ADAMTS6: variants seen among roughly 807,000 people sequenced by gnomAD.
ADAMTS6 encodes A disintegrin and metalloproteinase with thrombospondin motifs 6.
A neutral mutation model predicts 144.3 loss-of-function variants in ADAMTS6; 23 were observed. That is an observed-to-expected ratio of 0.16 (90% confidence interval 0.11 to 0.23). The LOEUF is 0.23. ADAMTS6 is among the 10% of genes least tolerant of loss of function. ADAMTS6 has a pLI of 1.00. For missense variants in ADAMTS6, 999 were observed against 1,379.6 expected, an observed-to-expected ratio of 0.72 and a Z score of 4.37; for synonymous variants, 444 against 457.5, an observed-to-expected ratio of 0.97 and a Z score of 0.38.
intron 20 of ADAMTS6, among the ~76,000 whole-genome samples, chr5:65,206,810 C>T (rs1278584252): frequency 6.8e-6 from 1 of 146,040 alleles, no homozygotes; most frequent in Non-Finnish European, 1.5e-5. Context: ...TGTTTATATG[C>T]TGTTTTTTTT....
At chr5:65,200,739 C>T (rs1429441148) in intron 20 of ADAMTS6, among the ~76,000 whole-genome samples, 4 of 151,818 alleles carry the variant, frequency 2.6e-5, no homozygotes, top group African/African-American at 4.8e-5. Flanking sequence ...TTAATGCAAT[C>T]CTTCCTCCAT....
At chr5:65,479,565 C>T (rs1022387979) in intron 1 of ADAMTS6, among the ~76,000 whole-genome samples, 2 of 152,194 alleles carry the variant, frequency 1.3e-5, no homozygotes, top group East Asian at 3.8e-4. Flanking sequence ...ACCTCTTCCC[C>T]TCTTTTTCTC....
At chr5:65,379,097 T>C (rs1751812228) in intron 7 of ADAMTS6, among the ~76,000 whole-genome samples, 2 of 152,218 alleles carry the variant, frequency 1.3e-5, no homozygotes, top group South Asian at 4.1e-4. Context: ...AAGCCAGTCA[T>C]CAAACAACCA....
At chr5:65,325,508 T>A (rs1157934941) in intron 9 of ADAMTS6, among the ~76,000 whole-genome samples, 23 of 146,466 alleles carry the variant, frequency 1.6e-4, no homozygotes, top group Non-Finnish European at 2.4e-4. Context: ...TTTTTTTTTT[T>A]AGACAGGGTC....
At chr5:65,259,895 C>G (rs1761030657) in intron 14 of ADAMTS6, among the ~76,000 whole-genome samples, 1 of 152,004 alleles carries the variant, frequency 6.6e-6, no homozygotes, top group South Asian at 2.1e-4. Context: ...TAATTAAAAG[C>G]TGTGGTTTTT....
At chr5:65,191,783 T>A (rs1382779261) in intron 21 of ADAMTS6, among the ~76,000 whole-genome samples, 1 of 152,072 alleles carries the variant, frequency 6.6e-6, no homozygotes, top group Admixed American at 6.5e-5. Context: ...CATTATACAG[T>A]CAAGGTTTTT....
chr5:65,363,653 G>A (rs1750034725), intron 7 of ADAMTS6, among the ~76,000 whole-genome samples: 1 of 152,038 alleles, frequency 6.6e-6, no homozygotes, highest in Admixed American at 6.6e-5. Flanking sequence ...CTCTAAAATG[G>A]GGTTATGCAT....
chr5:65,153,794 CTGAGT>C (rs1561226884), intron 24 of ADAMTS6, among the ~76,000 whole-genome samples: 1 of 152,174 alleles, frequency 6.6e-6, no homozygotes, highest in East Asian at 1.9e-4. Flanking sequence ...CAAGAAAACT[CTGAGT>C]TGAGCAAATT....
intron 22 of ADAMTS6, among the ~76,000 whole-genome samples, chr5:65,174,379 G>C (rs1274313694): frequency 1.3e-5 from 2 of 152,176 alleles, no homozygotes; most frequent in African/African-American, 4.8e-5. Flanking sequence ...CTGCCCTGTG[G>C]AGCATCCCTA....
intron 7 of ADAMTS6, among the ~76,000 whole-genome samples, chr5:65,340,532 A>C (rs1425704590): frequency 1.3e-5 from 2 of 152,248 alleles, no homozygotes; most frequent in East Asian, 3.9e-4. Context: ...GTAAACAATA[A>C]GAGAGGAAGG....
intron 7 of ADAMTS6, among the ~76,000 whole-genome samples, chr5:65,340,572 A>G (rs1301430826): frequency 6.6e-6 from 1 of 152,102 alleles, no homozygotes; most frequent in Admixed American, 6.5e-5. Context: ...AAATAACTGG[A>G]AAATGATCGA....
At position 65,150,751 on chromosome 5, in the gene ADAMTS6, C is replaced by T. The variant is rs1054732001; in HGVS notation, c.*1085G>A. The stretch of plus-strand genomic sequence containing the variant: ...ATAAATAAATGCCCTTCTACCATAT[C>T]AAAGAAGGGACATCTGGAACTCATC... On this transcript the variant is annotated 3_prime_UTR_variant, in exon 25 of 25. Transcript: ENST00000381055. The T allele has an allele frequency of 6.5e-5, 10 of 152,764 alleles. No individual in the cohort carries two copies. Among genetic ancestry groups the T allele is most frequent in the African/African-American group, 1.7e-4 (7 of 41,568 alleles). 9.5% of individuals were successfully genotyped at this position (152,764 alleles called of 1,614,324 possible). A position where few individuals can be genotyped will look rare whatever the true frequency, so the allele number is the denominator to read the frequency against.
At chr5:65,154,605 T>C (rs993993497) in intron 24 of ADAMTS6, among the ~76,000 whole-genome samples, 1 of 152,184 alleles carries the variant, frequency 6.6e-6, no homozygotes, top group African/African-American at 2.4e-5. Flanking sequence ...TAGGAGTTGA[T>C]TGTCCTCTGC....
intron 4 of ADAMTS6, among the ~76,000 whole-genome samples, chr5:65,457,745 CTTTTTT>C (rs1180960588): frequency 1.0e-5 from 1 of 97,438 alleles, no homozygotes; most frequent in Non-Finnish European, 2.1e-5. Context: ...TTCTTTCTTT[CTTTTTT>C]TTTTTTTTTT....
intron 3 of ADAMTS6, among the ~76,000 whole-genome samples, chr5:65,464,199 A>G (rs1231663044): frequency 2.6e-5 from 4 of 152,356 alleles, no homozygotes; most frequent in Admixed American, 2.6e-4. Context: ...TCCCTTTGGA[A>G]GTCTAAGGGT....
rs752612003 is a variant in ADAMTS6 at position 65,226,206 on chromosome 5, A to G, written c.1947T>C (p.Pro649=). 3.7e-6 allele frequency: 6 copies of G among 1,613,638 alleles called. No homozygotes were observed. The highest frequency in any genetic ancestry group is 5.1e-6 in the Non-Finnish European group (6 of 1,179,778). The change falls in exon 16 of 25, where the codon CCT becomes CCC. Residue 649 remains proline, a synonymous_variant. Transcript: ENST00000381055. The part of the protein sequence containing the change: ...WKPYTGGGVK[P]CALNCLAEGY... Reference sequence around the variant, plus strand: ...CTTCAGCCAAGCAGTTTAATGCACAAGGTTTTACCCCACCTGGACAAATAC... The same window carrying G: ...CTTCAGCCAAGCAGTTTAATGCACAGGGTTTTACCCCACCTGGACAAATAC...
chr5:65,222,599 T>C (rs1757408962), intron 18 of ADAMTS6, among the ~76,000 whole-genome samples: 1 of 152,112 alleles, frequency 6.6e-6, no homozygotes, highest in Non-Finnish European at 1.5e-5. Flanking sequence ...TAAATAATTG[T>C]TCTTCCCCAA....
At chr5:65,265,321 T>C (rs972678971) in intron 12 of ADAMTS6, among the ~76,000 whole-genome samples, 1 of 152,090 alleles carries the variant, frequency 6.6e-6, no homozygotes, top group Non-Finnish European at 1.5e-5. Flanking sequence ...TTACTGATAA[T>C]GTATACTTGA....
At chr5:65,188,886 C>G (rs1754830880) in intron 21 of ADAMTS6, among the ~76,000 whole-genome samples, 1 of 152,150 alleles carries the variant, frequency 6.6e-6, no homozygotes, top group African/African-American at 2.4e-5. Context: ...GCTAAAACCA[C>G]TCTAAGGAAG....
Sources: gnomAD v4.1 joint callset for allele counts (sites outside exome capture counted in the v4.1 genomes callset) on GRCh38, gnomAD v4.1.1 for gene constraint, MANE v1.5 for transcripts, NCBI Gene and HGNC (gene_info 2026-07-23, HGNC 2026-07-21) for gene names.